The following RNF32 variants were observed in gnomAD, a reference collection of about 807,000 sequenced individuals.
The protein encoded by RNF32 is ring finger protein 32.
RNF32 carries 36 observed loss-of-function variants against 41.0 expected under a neutral mutation model. The observed-to-expected ratio is 0.88, with a 90% CI of 0.67 to 1.16. RNF32 has a LOEUF of 1.16. RNF32 is among the 50% of genes most tolerant of loss of function. The probability of loss-of-function intolerance (pLI) is 0.00; values close to 1 mark genes in which losing one functional copy is unlikely to be tolerated. For missense variants in RNF32, 413 were observed against 436.7 expected (o/e 0.95, Z 0.48); for synonymous variants, 154 against 160.9 (o/e 0.96, Z 0.32).
At chr7:156,656,149 T>C (rs1799637180) in intron 4 of RNF32, among the ~76,000 whole-genome samples, 1 of 152,256 alleles carries the variant, frequency 6.6e-6, no homozygotes. Context: ...ATAGTAGGCA[T>C]TCTGCCCATT....
chr7:156,656,952 C>G (rs1170653548), intron 4 of RNF32, among the ~76,000 whole-genome samples: 2 of 152,214 alleles, frequency 1.3e-5, no homozygotes, highest in African/African-American at 4.8e-5. Flanking sequence ...AAGCTTCAGT[C>G]TTTTGTCACA....
At chr7:156,649,747 G>A (rs80325500) in intron 3 of RNF32, among the ~76,000 whole-genome samples, 1,898 of 152,122 alleles carry the variant, frequency 0.012, 38 homozygotes, top group African/African-American at 0.042. Flanking sequence ...TTGAATCTTC[G>A]TGCATAGCTT....
chr7:156,676,216 T>G, intron 8 of RNF32: 1 of 1,491,570 alleles, frequency 6.7e-7, no homozygotes. Flanking sequence ...CTTTCCACAG[T>G]TCCCAGGAGT....
chr7:156,642,745 G>C (rs1035189573), intron 1 of RNF32, among the ~76,000 whole-genome samples: 7 of 152,202 alleles, frequency 4.6e-5, no homozygotes, highest in Admixed American at 4.6e-4. Flanking sequence ...GGACGCCCCA[G>C]TGAGCCTCAC....
At chr7:156,643,097 G>C (rs1797573223) in intron 1 of RNF32, 1 of 152,190 alleles carries the variant, frequency 6.6e-6, no homozygotes. Context: ...AGTAAGTTCT[G>C]TGTGAAAAGA....
chr7:156,645,863 ATTAG>A (rs1011597079), intron 3 of RNF32, among the ~76,000 whole-genome samples: 1 of 152,244 alleles, frequency 6.6e-6, no homozygotes, highest in Non-Finnish European at 1.5e-5. Context: ...AATATTTTGT[ATTAG>A]TTAGCTGCCT....
chr7:156,657,277 G>C (rs1032405694), intron 4 of RNF32, among the ~76,000 whole-genome samples: 2 of 151,878 alleles, frequency 1.3e-5, no homozygotes, highest in African/African-American at 4.8e-5. Flanking sequence ...TCATTGTTTC[G>C]CTCTTAAGTA....
At position 156,658,573 on chromosome 7, in the gene RNF32, A is replaced by G; in HGVS notation, c.684+3A>G. 5 of 1,580,774 alleles carry G rather than the reference A, an allele frequency of 3.2e-6. No individual in the cohort carries two copies. The highest frequency in any genetic ancestry group is 4.3e-6 in the Non-Finnish European group (5 of 1,149,662). On this transcript the variant is annotated splice_donor_region_variant and intron_variant, in intron 7 of 8. Transcript: ENST00000317955. ...GAAAAAAATTCTTTGAAAAAAAGGT[A>G]GGTAAAGATCATTATGTTCTCCAGA...
At chr7:156,674,407 C>T (rs144686059) in intron 7 of RNF32, among the ~76,000 whole-genome samples, 1 of 152,364 alleles carries the variant, frequency 6.6e-6, no homozygotes, top group East Asian at 1.9e-4. Context: ...AGCAAGAGGG[C>T]AGGAAGTGTG....
At chr7:156,655,291 T>TAG (rs1470518571) in intron 4 of RNF32, among the ~76,000 whole-genome samples, 14 of 150,794 alleles carry the variant, frequency 9.3e-5, no homozygotes, top group South Asian at 2.1e-4. Flanking sequence ...CATATATATA[T>TAG]ATAGAGAGAG....
intron 7 of RNF32, among the ~76,000 whole-genome samples, chr7:156,674,356 G>A (rs982140656): frequency 6.6e-6 from 1 of 152,372 alleles, no homozygotes; most frequent in Admixed American, 6.5e-5. Flanking sequence ...AATGGGAAAT[G>A]TCATCTCTGG....
chr7:156,641,710 G>T (rs1323732919), intron 1 of RNF32, among the ~76,000 whole-genome samples: 1 of 152,184 alleles, frequency 6.6e-6, no homozygotes, highest in African/African-American at 2.4e-5. Flanking sequence ...AGCTATGACC[G>T]GACCATTTTT....
In RNF32 at chr7:156,669,082, G is replaced by A. The variant is rs1001197107; in HGVS notation, c.685-6614G>A. ...TAAATTAGACTCAACTGCATGAAAAGTCTATGCGAACTGCTTTCATGGACT... is the reference window on the plus strand; with the variant it reads ...TAAATTAGACTCAACTGCATGAAAAATCTATGCGAACTGCTTTCATGGACT... On this transcript the variant is annotated intron_variant, in intron 7 of 8. Transcript: ENST00000317955. The surrounding 1 kb of genome is among the most constrained non-coding windows in gnomAD (Gnocchi z 4.2). 6.6e-5 allele frequency: 10 copies of A among 152,226 alleles called. No individual in the cohort carries two copies. Among genetic ancestry groups the A allele is most frequent in the African/African-American group, 2.4e-4 (10 of 41,460 alleles). 9.4% of individuals were successfully genotyped at this position (152,226 alleles called of 1,614,324 possible). A position where few individuals can be genotyped will look rare whatever the true frequency, so the allele number is the denominator to read the frequency against.
chr7:156,676,108 C>A, intron 8 of RNF32: 1 of 815,844 alleles, frequency 1.2e-6, no homozygotes, highest in Non-Finnish European at 1.9e-6. Flanking sequence ...TGTGGTAGGA[C>A]TTTCCTCATG....
intron 8 of RNF32, 50 bp from the exon 9 acceptor site, chr7:156,676,369 G>A: frequency 6.2e-7 from 1 of 1,613,824 alleles, no homozygotes; most frequent in Non-Finnish European, 8.5e-7. Flanking sequence ...GTAACTTTCT[G>A]CTGTGATGAA....
At chr7:156,671,278 A>G (rs1477895483) in intron 7 of RNF32, among the ~76,000 whole-genome samples, 1 of 152,230 alleles carries the variant, frequency 6.6e-6, no homozygotes, top group Non-Finnish European at 1.5e-5. Flanking sequence ...CTCCAGCACC[A>G]ATCAGATTAT....
upstream of RNF32, chr7:156,640,211 G>T (rs749950832): frequency 2.2e-5 from 10 of 453,428 alleles, no homozygotes; most frequent in South Asian, 1.6e-4. Context: ...GGCGCGGGGG[G>T]ATCGGGGGAT....
intron 3 of RNF32, 40 bp from the exon 4 acceptor site, chr7:156,654,536 A>C: frequency 6.3e-7 from 1 of 1,585,448 alleles, no homozygotes; most frequent in South Asian, 1.1e-5. Context: ...CCATATGCTA[A>C]AAGACACTCT....
intron 7 of RNF32, among the ~76,000 whole-genome samples, chr7:156,662,171 T>C (rs1437671661): frequency 2.0e-5 from 3 of 152,154 alleles, no homozygotes; most frequent in Admixed American, 2.0e-4. Context: ...CCTGTATGGG[T>C]AGAACTCAAC....
Sources: allele counts gnomAD v4.1 joint callset (sites outside exome capture counted in the v4.1 genomes callset), GRCh38; gene constraint gnomAD v4.1.1; non-coding constraint Gnocchi (gnomAD v3.1); transcripts MANE v1.5; gene names NCBI Gene and HGNC (gene_info 2026-07-23, HGNC 2026-07-21).